ARMC2: variants seen among roughly 807,000 people sequenced by gnomAD.
ARMC2 encodes armadillo repeat containing 2.
Under a neutral mutation model 90.3 loss-of-function variants are expected in ARMC2, and 67 were observed. The ratio of observed to expected loss-of-function variants is 0.74; its 90% CI spans 0.61 to 0.91. ARMC2 has a LOEUF of 0.91. ARMC2 is among the 40% of genes least tolerant of loss of function. The pLI is 0.00. For missense variants in ARMC2, 920 were observed against 1,030.9 expected, an observed-to-expected ratio of 0.89 and a Z score of 1.47; for synonymous variants, 393 against 393.0, an observed-to-expected ratio of 1.00 and a Z score of 0.00.
the ARMC2 span, among the ~76,000 whole-genome samples, chr6:109,012,784 A>C: frequency 1.3e-5 from 2 of 152,166 alleles, no homozygotes; most frequent in African/African-American, 4.8e-5. Flanking sequence ...GGTCTGGAAA[A>C]GAGGGTAAGG....
In ARMC2 at chr6:108,949,746, T is replaced by G. The variant is rs141666666; in HGVS notation, c.1597-3287T>G. On this transcript the variant is annotated intron_variant, in intron 12 of 17. Coordinates refer to ENST00000392644, the MANE Select transcript of ARMC2 (RefSeq NM_032131.6). ...AAGTAACCCTCTGTTTTATGTGAAA[T>G]GGGATTCAAGTATTATAATCAAATT... 2.0e-5 allele frequency among the ~76,000 whole-genome samples: 3 copies of G among 152,310 alleles called. 1 individual carries two copies. The East Asian group carries it at 5.8e-4, about 29-fold the overall frequency.
intron 12 of ARMC2, among the ~76,000 whole-genome samples, chr6:108,939,215 C>T (rs771936183): frequency 1.8e-4 from 28 of 152,170 alleles, no homozygotes; most frequent in Admixed American, 1.8e-3. Context: ...AAGCAAAACT[C>T]ATGTTTAAGA....
intron 12 of ARMC2, among the ~76,000 whole-genome samples, chr6:108,949,275 A>G (rs939646446): frequency 3.3e-5 from 5 of 152,138 alleles, no homozygotes; most frequent in African/African-American, 4.8e-5. Context: ...TGCGAGGGAG[A>G]TGGCGGTTTA....
intron 12 of ARMC2, among the ~76,000 whole-genome samples, chr6:108,941,908 CAG>C (rs1776470054): frequency 1.3e-5 from 2 of 151,914 alleles, no homozygotes; most frequent in Non-Finnish European, 2.9e-5. Context: ...GATTTTTTTC[CAG>C]TAAGAAAAAT....
chr6:108,937,989 T>C (rs911874524), intron 12 of ARMC2, among the ~76,000 whole-genome samples: 3 of 152,210 alleles, frequency 2.0e-5, no homozygotes, highest in Non-Finnish European at 4.4e-5. Flanking sequence ...CGTGAGCCAC[T>C]GCACCCGGCC....
chr6:108,991,658 C>T, the ARMC2 span, among the ~76,000 whole-genome samples: 1 of 152,164 alleles, frequency 6.6e-6, no homozygotes, highest in Non-Finnish European at 1.5e-5. Flanking sequence ...ATTAAATCTC[C>T]TTGCCTCCTT....
chr6:108,902,986 G>A (rs539848288), intron 7 of ARMC2, among the ~76,000 whole-genome samples: 1 of 152,110 alleles, frequency 6.6e-6, no homozygotes, highest in Admixed American at 6.5e-5. Flanking sequence ...TGGGCAAAAT[G>A]GCAAAACCCC....
chr6:109,048,845 G>A, the ARMC2 span, among the ~76,000 whole-genome samples: 1 of 152,060 alleles, frequency 6.6e-6, no homozygotes, highest in South Asian at 2.1e-4. Context: ...CTGGGATATG[G>A]CCATATATCA....
chr6:108,857,727 C>G (rs1448231826), intron 2 of ARMC2, among the ~76,000 whole-genome samples: 1 of 152,046 alleles, frequency 6.6e-6, no homozygotes, highest in Non-Finnish European at 1.5e-5. Context: ...AATGCTTTTT[C>G]TGTATCTGCT....
At position 108,965,123 on chromosome 6, in the gene ARMC2, T is replaced by C. The variant is rs775271394; in HGVS notation, c.2429T>C (p.Leu810Ser). The C allele has an allele frequency of 6.2e-7, 1 of 1,606,662 alleles. No homozygotes were observed. The highest frequency in any genetic ancestry group is 2.2e-5 in the East Asian group (1 of 44,680). ...GAAGACACCAACACACTCTTACTCT[T>C]GCTCTCATCATTTTTAGGTAAGACT... ...GNEDTNTLLL[L>S]LSSFLDEELA... Residue 810 changes from leucine to serine, a missense_variant, in exon 17 of 18, where the codon TTG (leucine) becomes TCG (serine). By Grantham distance (145) the Leu-to-Ser change is moderately radical. Transcript: ENST00000392644.
At chr6:109,043,031 C>CAGA in the ARMC2 span, among the ~76,000 whole-genome samples, 5 of 152,072 alleles carry the variant, frequency 3.3e-5, no homozygotes, top group African/African-American at 1.2e-4. Flanking sequence ...GAATGCATGG[C>CAGA]TGGTTCAACA....
At chr6:109,028,696 C>T in the ARMC2 span, among the ~76,000 whole-genome samples, 2 of 152,160 alleles carry the variant, frequency 1.3e-5, no homozygotes, top group African/African-American at 4.8e-5. Context: ...CTGGGCAACA[C>T]ATACCATAGA....
the ARMC2 span, among the ~76,000 whole-genome samples, chr6:109,029,757 C>A: frequency 6.6e-6 from 1 of 152,116 alleles, no homozygotes; most frequent in Non-Finnish European, 1.5e-5. Context: ...GTCTTTATCT[C>A]CTTGCCTCAA....
the ARMC2 span, among the ~76,000 whole-genome samples, chr6:108,983,890 C>G: frequency 6.6e-6 from 1 of 152,150 alleles, no homozygotes; most frequent in Non-Finnish European, 1.5e-5. Flanking sequence ...TGCTTTACAG[C>G]AGGGGTCCCC....
intron 7 of ARMC2, among the ~76,000 whole-genome samples, chr6:108,900,432 T>C (rs1025492100): frequency 6.6e-6 from 1 of 152,188 alleles, no homozygotes; most frequent in Non-Finnish European, 1.5e-5. Context: ...GGATTCTCTT[T>C]CTGAAGTTAA....
At position 108,895,547 on chromosome 6, in the gene ARMC2, G is replaced by A. The variant is rs75030844; in HGVS notation, c.748+1004G>A. ...AAACTATATTAACTTTATTAAGACC[G>A]TCCTTTGGGCCTTTAAAGTGTTTGA... On this transcript the variant is annotated intron_variant, in intron 6 of 17. Coordinates refer to ENST00000392644, the MANE Select transcript of ARMC2 (RefSeq NM_032131.6). Among the ~76,000 whole-genome samples, 12 of 150,390 alleles carry A rather than the reference G, an allele frequency of 8.0e-5. 1 individual carries two copies. In the East Asian group the frequency reaches 1.4e-3, roughly 17 times the overall value.
chr6:108,914,332 G>A (rs1773737982), intron 10 of ARMC2, among the ~76,000 whole-genome samples: 1 of 152,078 alleles, frequency 6.6e-6, no homozygotes, highest in Admixed American at 6.6e-5. Flanking sequence ...CCTTTCCCCT[G>A]GATTCAGCAT....
intron 4 of ARMC2, among the ~76,000 whole-genome samples, chr6:108,870,884 G>A (rs1198263794): frequency 2.0e-5 from 3 of 147,780 alleles, no homozygotes; most frequent in Non-Finnish European, 4.5e-5. Flanking sequence ...GATAGACAAT[G>A]ACAGGAGAAC....
the ARMC2 span, among the ~76,000 whole-genome samples, chr6:109,043,983 C>A: frequency 6.6e-6 from 1 of 151,804 alleles, no homozygotes; most frequent in African/African-American, 2.4e-5. Context: ...AATAGAGAGC[C>A]CAGAAATAGA....
Sources: allele counts gnomAD v4.1 joint callset (sites outside exome capture counted in the v4.1 genomes callset), GRCh38; gene constraint gnomAD v4.1.1; transcripts MANE v1.5; gene names NCBI Gene and HGNC (gene_info 2026-07-23, HGNC 2026-07-21).